The following RICTOR variants were observed in gnomAD, a reference collection of about 807,000 sequenced individuals.
RICTOR encodes the protein RPTOR independent companion of MTOR complex 2.
Under a neutral mutation model 214.9 loss-of-function variants are expected in RICTOR, and 49 were observed. The ratio of observed to expected loss-of-function variants is 0.23; its 90% CI spans 0.18 to 0.29. The LOEUF (loss-of-function observed/expected upper bound fraction) is 0.29, where lower values mean the gene tolerates loss of function less well. Ranked by LOEUF, RICTOR falls within the 10% of genes least tolerant of loss-of-function variation. The probability of loss-of-function intolerance (pLI) is 1.00; values close to 1 mark genes in which losing one functional copy is unlikely to be tolerated. For missense variants in RICTOR, 1,625 were observed against 2,047.0 expected, an observed-to-expected ratio of 0.79 and a Z score of 3.98; for synonymous variants, 717 against 711.3, an observed-to-expected ratio of 1.01 and a Z score of -0.13.
Position 38,957,799 on chromosome 5 carries a change from A to C in RICTOR, c.2421-69T>G, listed in dbSNP as rs1255423365. The C allele has an allele frequency of 4.8e-6, 4 of 841,594 alleles. No homozygotes were observed. In the East Asian group the frequency reaches 1.0e-4, roughly 22 times the overall value. The allele number at this position is 841,594 out of a possible 1,614,324, so 52.1% of individuals were successfully genotyped here. A position where few individuals can be genotyped will look rare whatever the true frequency, so the allele number is the denominator to read the frequency against. On this transcript the variant is annotated intron_variant, in intron 24 of 37. Coordinates refer to ENST00000357387, the MANE Select transcript of RICTOR (RefSeq NM_152756.5). ...AAACGTATCTTAAGAAGCTAAAATA[A>C]CTAAAATTTAAAAAAGTATAAGGAG...
Position 38,964,899 on chromosome 5 carries a change from T to C in RICTOR, c.1300-7A>G. On this transcript the variant is annotated splice_region_variant and splice_polypyrimidine_tract_variant and intron_variant, in intron 15 of 37. Transcript: ENST00000357387. Reference sequence around the variant, plus strand: ...GAGGAAGAATTGTGTTTGCCTAAAATGAAGCATAACATTTTACATGAGTTT... The same window carrying C: ...GAGGAAGAATTGTGTTTGCCTAAAACGAAGCATAACATTTTACATGAGTTT... 6.4e-7 allele frequency: 1 copy of C among 1,565,504 alleles called. No individual in the cohort carries two copies. Among genetic ancestry groups the C allele is most frequent in the Non-Finnish European group, 8.8e-7 (1 of 1,139,508 alleles).
chr5:39,043,020 T>C (rs1757272091), intron 2 of RICTOR, among the ~76,000 whole-genome samples: 1 of 152,144 alleles, frequency 6.6e-6, no homozygotes, highest in African/African-American at 2.4e-5. Flanking sequence ...GGTGAGAATG[T>C]ATATTAGTAA....
intron 8 of RICTOR, chr5:38,981,379 A>G (rs1751703970): frequency 6.4e-6 from 1 of 155,798 alleles, no homozygotes. Context: ...TAACTGTAAT[A>G]AACCTTACTT....
chr5:39,043,155 T>C (rs929495828), intron 2 of RICTOR, among the ~76,000 whole-genome samples: 4 of 152,142 alleles, frequency 2.6e-5, no homozygotes, highest in African/African-American at 9.7e-5. Context: ...GAAATCAGCA[T>C]ATCAAAGAGA....
rs58940356 is a variant in RICTOR, at chr5:38,990,704, G to T, written c.583+245C>A. The stretch of plus-strand genomic sequence containing the variant: ...TATATCATATATATGATATATATCA[G>T]ATATGATATATATGATATATATCAT... On this transcript the variant is annotated intron_variant, in intron 7 of 37. Transcript: ENST00000357387. Among the ~76,000 whole-genome samples, 141 of 45,250 alleles carry T rather than the reference G, an allele frequency of 3.1e-3. 6 individuals carry two copies. The highest frequency in any genetic ancestry group is 0.012 in the East Asian group (9 of 764). 29.7% of individuals were successfully genotyped at this position (45,250 alleles called of 152,430 possible).
intron 29 of RICTOR, 37 bp downstream of exon 29, chr5:38,952,948 G>T: frequency 8.1e-7 from 1 of 1,241,408 alleles, no homozygotes; most frequent in Non-Finnish European, 1.2e-6. Context: ...GAATAACAAC[G>T]TCTACATTAG....
chr5:39,061,921 G>A (rs1758567187), intron 2 of RICTOR, among the ~76,000 whole-genome samples: 1 of 151,712 alleles, frequency 6.6e-6, no homozygotes, highest in South Asian at 2.1e-4. Flanking sequence ...ACTTTCCCAT[G>A]AGAAAAAAGA....
intron 2 of RICTOR, among the ~76,000 whole-genome samples, chr5:39,070,560 G>C (rs1324557340): frequency 6.6e-6 from 1 of 152,082 alleles, no homozygotes; most frequent in Admixed American, 6.5e-5. Flanking sequence ...GCAACCAAGA[G>C]AGTCAGTTTT....
At chr5:39,016,650 G>A (rs1482409780) in intron 3 of RICTOR, among the ~76,000 whole-genome samples, 2 of 151,936 alleles carry the variant, frequency 1.3e-5, no homozygotes, top group Non-Finnish European at 2.9e-5. Flanking sequence ...AATGAGAAGG[G>A]AGAATAAGAG....
chr5:39,033,170 T>C (rs1344153158), intron 2 of RICTOR, among the ~76,000 whole-genome samples: 3 of 152,164 alleles, frequency 2.0e-5, no homozygotes, highest in Non-Finnish European at 4.4e-5. Context: ...AACTGCAGTG[T>C]CTGTTTTTCT....
At chr5:38,963,766 T>C (rs1384992894) in intron 16 of RICTOR, among the ~76,000 whole-genome samples, 1 of 151,910 alleles carries the variant, frequency 6.6e-6, no homozygotes, top group Non-Finnish European at 1.5e-5. Flanking sequence ...CTGGAATTTG[T>C]GGCCATAATC....
At position 38,952,399 on chromosome 5, in the gene RICTOR, A is replaced by G; in HGVS notation, c.2924T>C (p.Ile975Thr). The G allele has an allele frequency of 2.5e-6, 4 of 1,612,038 alleles. No individual in the cohort carries two copies. The highest frequency in any genetic ancestry group is 3.4e-6 in the Non-Finnish European group (4 of 1,178,524). Residue 975 changes from isoleucine to threonine, a missense_variant, in exon 30 of 38, where the codon ATA becomes ACA. By Grantham distance (89) the Ile-to-Thr change is moderately conservative. This residue lies in a region of RICTOR where 1,214 missense variants were observed against 1,470.5 expected (regional missense o/e 0.83). Coordinates refer to ENST00000357387, the MANE Select transcript of RICTOR (RefSeq NM_152756.5). ...ATCACAGCCTTGTTTGGTTTTAGCT[A>G]TGAGCCCAAGTACATATACACAGGT... Reference protein sequence around the residue: ...RGTCVYVLGLIAKTKQGCDIL... With the variant: ...RGTCVYVLGLTAKTKQGCDIL...
intron 2 of RICTOR, among the ~76,000 whole-genome samples, chr5:39,044,547 A>G (rs1249461164): frequency 6.6e-6 from 1 of 152,186 alleles, no homozygotes; most frequent in East Asian, 1.9e-4. Context: ...TTCAAAATGT[A>G]TCTACTTCCC....
At chr5:38,953,590 T>C (rs371909086) in intron 27 of RICTOR, 37 bp from the exon 28 acceptor site, 4 of 653,160 alleles carry the variant, frequency 6.1e-6, no homozygotes, top group South Asian at 3.2e-5. Context: ...AGTAATAATA[T>C]ATTTATGTAT....
chr5:39,067,535 T>A (rs1219092516), intron 2 of RICTOR, among the ~76,000 whole-genome samples: 1 of 152,196 alleles, frequency 6.6e-6, no homozygotes, highest in Non-Finnish European at 1.5e-5. Flanking sequence ...TTCTTATTGA[T>A]TCCTACCCTA....
rs186149371 is a variant in RICTOR at position 39,065,087 on chromosome 5, C to T, written c.97+9024G>A. On this transcript the variant is annotated intron_variant, in intron 2 of 37. Coordinates refer to ENST00000357387, the MANE Select transcript of RICTOR (RefSeq NM_152756.5). ...TTCTTGCATTGTTACAAAGAAACAC[C>T]TAAGACTGGGTAATTTATAAGAAAA... 5.1e-4 allele frequency among the ~76,000 whole-genome samples: 77 copies of T among 152,292 alleles called. 1 individual carries two copies. The highest frequency in any genetic ancestry group is 1.8e-3 in the African/African-American group (74 of 41,558).
intron 5 of RICTOR, among the ~76,000 whole-genome samples, chr5:38,997,830 G>A (rs576341317): frequency 8.5e-5 from 13 of 152,302 alleles, no homozygotes; most frequent in East Asian, 3.9e-4. Flanking sequence ...AAATCTGGCC[G>A]TACTGAAAAG....
Position 38,949,761 on chromosome 5 carries a change from T to C in RICTOR, c.4087A>G (p.Thr1363Ala). Residue 1363 changes from threonine (T) to alanine (A), a missense_variant, in exon 31 of 38, where the codon ACC (threonine) becomes GCC (alanine). Thr to Ala is a moderately conservative substitution (Grantham distance 58). Around this residue, in one of 5 missense-constraint regions of RICTOR, gnomAD observed 1,214 missense variants for 1,470.5 expected, o/e 0.83. Transcript: ENST00000357387. Reference protein sequence around the residue: ...SPAKDVLFTDTITMKANSFES... With the variant: ...SPAKDVLFTDAITMKANSFES... The stretch of plus-strand genomic sequence containing the variant: ...AAACTGTTGGCCTTCATGGTGATGG[T>C]ATCAGTAAATAGCACATCTTTTGCT... 1 of 1,613,402 alleles carries C rather than the reference T, an allele frequency of 6.2e-7. No homozygotes were observed.
chr5:38,954,584 A>G (rs1749074775), intron 27 of RICTOR, 190 bp downstream of exon 27: 4 of 505,992 alleles, frequency 7.9e-6, no homozygotes, highest in African/African-American at 2.0e-5. Context: ...TTGCAAGGCC[A>G]TTAATATTTC....
Sources: allele counts gnomAD v4.1 joint callset (sites outside exome capture counted in the v4.1 genomes callset), GRCh38; gene constraint gnomAD v4.1.1; regional missense constraint gnomAD v4.1.1; transcripts MANE v1.5; gene names NCBI Gene and HGNC (gene_info 2026-07-23, HGNC 2026-07-21).